The following CELF4 variants were observed in gnomAD, a reference collection of about 807,000 sequenced individuals.
CELF4 encodes the protein CUG-BP- and ETR-3-like factor 4.
A neutral mutation model predicts 59.9 loss-of-function variants in CELF4; 18 were observed. That is an observed-to-expected ratio of 0.30 (90% CI 0.21 to 0.45). CELF4 has a LOEUF of 0.45. Ranked by LOEUF, CELF4 falls within the 20% of genes least tolerant of loss-of-function variation. The probability of loss-of-function intolerance (pLI) is 1.00; values close to 1 mark genes in which losing one functional copy is unlikely to be tolerated. For missense variants in CELF4, 456 were observed against 689.0 expected (o/e 0.66, Z 3.79); for synonymous variants, 261 against 267.1 (o/e 0.98, Z 0.22).
intron 1 of CELF4, among the ~76,000 whole-genome samples, chr18:37,537,654 G>A (rs757091660): frequency 9.2e-5 from 14 of 152,230 alleles, no homozygotes; most frequent in Non-Finnish European, 1.9e-4. Flanking sequence ...TTGCTTCGCT[G>A]TAGGGGTTCA....
intron 2 of CELF4, among the ~76,000 whole-genome samples, chr18:37,456,448 C>T (rs539944225): frequency 5.9e-5 from 9 of 152,126 alleles, no homozygotes; most frequent in Non-Finnish European, 1.0e-4. Flanking sequence ...GGGTTAACAA[C>T]CTGCCTTGTC....
intron 12 of CELF4, among the ~76,000 whole-genome samples, chr18:37,250,771 T>G (rs546649212): frequency 1.3e-5 from 2 of 152,290 alleles, no homozygotes; most frequent in East Asian, 3.9e-4. Context: ...TATCTCTTCT[T>G]AGCAACCGCC....
At chr18:37,505,862 G>A (rs2099937250) in intron 1 of CELF4, among the ~76,000 whole-genome samples, 2 of 152,214 alleles carry the variant, frequency 1.3e-5, no homozygotes, top group Admixed American at 6.5e-5. Context: ...CTGTTGTGAT[G>A]CCATTAAGCA....
At chr18:37,369,171 A>G (rs1197123853) in intron 2 of CELF4, among the ~76,000 whole-genome samples, 3 of 152,180 alleles carry the variant, frequency 2.0e-5, no homozygotes, top group Non-Finnish European at 4.4e-5. Context: ...CCGTATCTGC[A>G]GCCTCCACCA....
intron 2 of CELF4, among the ~76,000 whole-genome samples, chr18:37,353,395 G>C (rs1344509389): frequency 1.3e-5 from 2 of 151,724 alleles, no homozygotes; most frequent in Non-Finnish European, 2.9e-5. Flanking sequence ...CCTGTGGAAG[G>C]GTCTGAGGTG....
chr18:37,313,806 A>G (rs1229982429), intron 3 of CELF4, among the ~76,000 whole-genome samples: 1 of 152,258 alleles, frequency 6.6e-6, no homozygotes, highest in East Asian at 1.9e-4. Context: ...GGAGGATGCA[A>G]TCGGCCACGG....
chr18:37,327,610 G>T (rs560293727), intron 2 of CELF4, among the ~76,000 whole-genome samples: 1 of 152,292 alleles, frequency 6.6e-6, no homozygotes, highest in South Asian at 2.1e-4. Flanking sequence ...AGCCTCCCTT[G>T]TCCTTCACTG....
At chr18:37,431,296 G>A (rs889911868) in intron 2 of CELF4, among the ~76,000 whole-genome samples, 29 of 151,224 alleles carry the variant, frequency 1.9e-4, no homozygotes, top group Admixed American at 3.3e-4. Flanking sequence ...TCTTTTCCTG[G>A]TGGGCTTATC....
chr18:37,259,666 G>A (rs540966856), intron 10 of CELF4, among the ~76,000 whole-genome samples: 1 of 152,098 alleles, frequency 6.6e-6, no homozygotes, highest in African/African-American at 2.4e-5. Context: ...TGCTCTGGGG[G>A]GACCAGGGCA....
At chr18:37,487,146 C>T (rs758892800) in intron 1 of CELF4, among the ~76,000 whole-genome samples, 3 of 152,196 alleles carry the variant, frequency 2.0e-5, no homozygotes, top group Admixed American at 6.5e-5. Context: ...CTCTGGTTGC[C>T]GGCCACAGAA....
chr18:37,528,029 T>G (rs2099965766), intron 1 of CELF4, among the ~76,000 whole-genome samples: 2 of 152,156 alleles, frequency 1.3e-5, no homozygotes, highest in African/African-American at 4.8e-5. Flanking sequence ...ACAGTAGAGC[T>G]AAAAAGGTTC....
chr18:37,447,087 G>T (rs1032008069), intron 2 of CELF4, among the ~76,000 whole-genome samples: 3 of 151,930 alleles, frequency 2.0e-5, no homozygotes, highest in African/African-American at 7.2e-5. Context: ...GCTAAAAGTG[G>T]AATAAGAAAA....
At chr18:37,485,149 C>G (rs866504612) in intron 2 of CELF4, among the ~76,000 whole-genome samples, 21 of 152,126 alleles carry the variant, frequency 1.4e-4, no homozygotes, top group South Asian at 6.2e-4. Context: ...TTGCGGCGCC[C>G]CCTCCCACGC....
intron 1 of CELF4, among the ~76,000 whole-genome samples, chr18:37,493,920 A>G (rs2099921856): frequency 6.6e-6 from 1 of 152,190 alleles, no homozygotes; most frequent in Non-Finnish European, 1.5e-5. Context: ...TGGTATGGGA[A>G]AATAAATGGC....
chr18:37,397,373 C>T (rs1484595482), intron 2 of CELF4, among the ~76,000 whole-genome samples: 1 of 152,196 alleles, frequency 6.6e-6, no homozygotes, highest in East Asian at 1.9e-4. Context: ...AGCCATGATC[C>T]CTGCCCCCCA....
chr18:37,510,525 G>T (rs1212239996), intron 1 of CELF4, among the ~76,000 whole-genome samples: 1 of 152,180 alleles, frequency 6.6e-6, no homozygotes, highest in Non-Finnish European at 1.5e-5. Context: ...TGTGCAATCC[G>T]TCTCTGCTCT....
intron 12 of CELF4, among the ~76,000 whole-genome samples, chr18:37,252,405 C>T (rs916192717): frequency 6.6e-6 from 1 of 151,904 alleles, no homozygotes; most frequent in Non-Finnish European, 1.5e-5. Context: ...CCAGGGTGAC[C>T]CCACTGAAAT....
intron 2 of CELF4, among the ~76,000 whole-genome samples, chr18:37,445,815 C>T (rs1226931161): frequency 2.0e-5 from 3 of 152,140 alleles, no homozygotes; most frequent in Admixed American, 6.5e-5. Flanking sequence ...GAAATGGCCA[C>T]GGGAGGCCTG....
At chr18:37,377,477 C>T (rs1368412675) in intron 2 of CELF4, among the ~76,000 whole-genome samples, 1 of 152,230 alleles carries the variant, frequency 6.6e-6, no homozygotes, top group East Asian at 1.9e-4. Flanking sequence ...CTCACGAGCT[C>T]CCTGGGTGAC....
Sources: gnomAD v4.1 joint callset for allele counts (sites outside exome capture counted in the v4.1 genomes callset) on GRCh38, gnomAD v4.1.1 for gene constraint, MANE v1.5 for transcripts, NCBI Gene and HGNC (gene_info 2026-07-23, HGNC 2026-07-21) for gene names.